Variants in DPP6 observed in about 807,000 individuals in gnomAD.
The protein encoded by DPP6 is A-type potassium channel modulatory protein DPP6.
A neutral mutation model predicts 122.6 loss-of-function variants in DPP6; 69 were observed. The observed-to-expected ratio is 0.56, with a 90% confidence interval of 0.46 to 0.69. The LOEUF (loss-of-function observed/expected upper bound fraction) is 0.69, where lower values mean the gene tolerates loss of function less well. Ranked by LOEUF, DPP6 falls within the 30% of genes least tolerant of loss-of-function variation. The pLI is 0.00. For synonymous variants in DPP6, 418 were observed against 433.1 expected (o/e 0.97, Z 0.43); for missense variants, 928 against 1,116.9 (o/e 0.83, Z 2.41).
chr7:154,704,490 G>C (rs1840712728), intron 7 of DPP6, among the ~76,000 whole-genome samples: 1 of 152,176 alleles, frequency 6.6e-6, no homozygotes, highest in Non-Finnish European at 1.5e-5. Context: ...AGGATTGGGT[G>C]CTACAGGAAA....
At chr7:154,396,222 C>T (rs1457210036) in intron 1 of DPP6, among the ~76,000 whole-genome samples, 2 of 152,098 alleles carry the variant, frequency 1.3e-5, no homozygotes, top group Non-Finnish European at 2.9e-5. Flanking sequence ...CTCAAAATAC[C>T]TCCTAGGTAG....
At chr7:154,535,899 G>T (rs1828215570) in intron 3 of DPP6, among the ~76,000 whole-genome samples, 2 of 152,156 alleles carry the variant, frequency 1.3e-5, no homozygotes, top group South Asian at 4.1e-4. Flanking sequence ...TGATGTGCAT[G>T]TGACTCTTAT....
rs1484942375 is a variant in DPP6 at position 154,117,237 on chromosome 7, T to C, written c.243+64174T>C. Among the ~76,000 whole-genome samples, 3 of 152,290 alleles carry C rather than the reference T, an allele frequency of 2.0e-5. No homozygotes were observed. The East Asian group carries it at 5.8e-4, about 29-fold the overall frequency. ...CAAGTTTTAAAGGATGGTTACAAAT[T>C]AGTAACTCAAAATAATTGAGTGGAG... is the stretch of plus-strand genomic sequence containing the variant. On this transcript the variant is annotated intron_variant, in intron 1 of 25. Coordinates refer to ENST00000377770, the MANE Select transcript of DPP6 (RefSeq NM_130797.4).
At chr7:154,778,564 CA>C (rs371246098) in intron 10 of DPP6, among the ~76,000 whole-genome samples, 2,364 of 147,754 alleles carry the variant, frequency 0.016, 73 homozygotes, top group African/African-American at 0.057. Context: ...CACCCCCCCC[CA>C]AAAAAAACCA....
At chr7:154,517,500 C>T (rs185603936) in intron 3 of DPP6, among the ~76,000 whole-genome samples, 1 of 152,148 alleles carries the variant, frequency 6.6e-6, no homozygotes, top group African/African-American at 2.4e-5. Flanking sequence ...TTCATAAAGT[C>T]AGATACTTTG....
chr7:153,879,164 C>G, the DPP6 span, among the ~76,000 whole-genome samples: 1 of 151,930 alleles, frequency 6.6e-6, no homozygotes, highest in Non-Finnish European at 1.5e-5. Flanking sequence ...GATGAATGCA[C>G]TGGAGAAGGG....
chr7:154,220,689 G>T (rs1348653616), intron 1 of DPP6, among the ~76,000 whole-genome samples: 2 of 152,170 alleles, frequency 1.3e-5, no homozygotes, highest in Non-Finnish European at 2.9e-5. Context: ...CCAGCCTCCA[G>T]AACTGTGAAA....
intron 16 of DPP6, among the ~76,000 whole-genome samples, chr7:154,836,371 G>A (rs1015453079): frequency 1.3e-5 from 2 of 152,214 alleles, no homozygotes; most frequent in Non-Finnish European, 2.9e-5. Flanking sequence ...GGGGAGCTGA[G>A]CCTCCAGATA....
intron 1 of DPP6, among the ~76,000 whole-genome samples, chr7:153,904,808 C>A (rs1031148570): frequency 6.6e-6 from 1 of 152,224 alleles, no homozygotes; most frequent in Non-Finnish European, 1.5e-5. Flanking sequence ...GAAAGCTTCT[C>A]CTTTGCCTTC....
chr7:154,361,704 C>T (rs560991387), intron 1 of DPP6, among the ~76,000 whole-genome samples: 3 of 151,658 alleles, frequency 2.0e-5, no homozygotes, highest in South Asian at 4.2e-4. Context: ...AATAAAAGGA[C>T]GTAATTTAAT....
intron 1 of DPP6, among the ~76,000 whole-genome samples, chr7:154,130,323 G>T (rs1461558236): frequency 6.6e-6 from 1 of 152,098 alleles, no homozygotes; most frequent in Non-Finnish European, 1.5e-5. Context: ...GAAAAAAACA[G>T]ACCCGGCATC....
chr7:154,787,372 C>A (rs1257036146), intron 10 of DPP6, among the ~76,000 whole-genome samples: 2 of 151,814 alleles, frequency 1.3e-5, no homozygotes, highest in Non-Finnish European at 2.9e-5. Flanking sequence ...TTGTGGAAGT[C>A]TTCCTTTCCC....
intron 1 of DPP6, among the ~76,000 whole-genome samples, chr7:154,097,570 A>C (rs538455864): frequency 1.3e-5 from 2 of 152,264 alleles, no homozygotes; most frequent in Non-Finnish European, 2.9e-5. Flanking sequence ...ATACAGGATT[A>C]TCACTATTTG....
chr7:154,881,449 C>A (rs945271511), intron 21 of DPP6, among the ~76,000 whole-genome samples: 1 of 152,196 alleles, frequency 6.6e-6, no homozygotes, highest in South Asian at 2.1e-4. Flanking sequence ...CTGAGGCCCA[C>A]GGTTTGGAGT....
intron 1 of DPP6, among the ~76,000 whole-genome samples, chr7:153,993,017 A>G (rs537104311): frequency 2.6e-5 from 4 of 152,126 alleles, no homozygotes; most frequent in African/African-American, 4.8e-5. Context: ...TGGTAATTCT[A>G]TATTCACATT....
intron 1 of DPP6, among the ~76,000 whole-genome samples, chr7:154,356,071 GTGTT>G (rs1811247714): frequency 6.6e-6 from 1 of 152,084 alleles, no homozygotes; most frequent in South Asian, 2.1e-4. Flanking sequence ...TCATTCCTAA[GTGTT>G]TGAGGGTTGG....
At chr7:153,848,121 C>A in the DPP6 span, among the ~76,000 whole-genome samples, 2 of 152,152 alleles carry the variant, frequency 1.3e-5, no homozygotes, top group Non-Finnish European at 2.9e-5. Flanking sequence ...ATCAAGGATG[C>A]CATAAAGAGT....
intron 3 of DPP6, among the ~76,000 whole-genome samples, chr7:154,528,652 G>A (rs994879307): frequency 3.9e-5 from 6 of 152,212 alleles, no homozygotes; most frequent in African/African-American, 1.4e-4. Context: ...GGCGAATCAT[G>A]TACTCTAGTG....
intron 19 of DPP6, among the ~76,000 whole-genome samples, chr7:154,873,873 GGCACACACAT>G (rs1336432417): frequency 6.0e-5 from 4 of 66,524 alleles, no homozygotes; most frequent in South Asian, 4.3e-4. Context: ...CACACCCACA[GGCACACACAT>G]GCACACACAC....
Sources: gnomAD v4.1 joint callset for allele counts (sites outside exome capture counted in the v4.1 genomes callset) on GRCh38, gnomAD v4.1.1 for gene constraint, MANE v1.5 for transcripts, NCBI Gene and HGNC (gene_info 2026-07-23, HGNC 2026-07-21) for gene names.